PRUNE2: variants seen among roughly 807,000 people sequenced by gnomAD.
The protein encoded by PRUNE2 is prune homolog 2 with BCH domain, also known as protein prune homolog 2.
In PRUNE2, 164 loss-of-function variants were observed where a neutral mutation model predicts 252.0. The observed-to-expected ratio is 0.65, with a 90% CI of 0.57 to 0.74. The LOEUF is 0.74. Ranked by LOEUF, PRUNE2 falls within the 30% of genes least tolerant of loss-of-function variation. The pLI is 0.00. For synonymous variants in PRUNE2, 1,292 were observed against 1,350.2 expected, an observed-to-expected ratio of 0.96 and a Z score of 0.94; for missense variants, 3,495 against 3,711.0, an observed-to-expected ratio of 0.94 and a Z score of 1.51.
intron 10 of PRUNE2, among the ~76,000 whole-genome samples, chr9:76,653,608 G>A (rs1373228289): frequency 6.6e-6 from 1 of 152,120 alleles, no homozygotes; most frequent in Non-Finnish European, 1.5e-5. Context: ...CTAATCGTTT[G>A]TGTTGACTTT....
chr9:76,617,603 A>G (rs1300192398), intron 18 of PRUNE2, among the ~76,000 whole-genome samples: 6 of 152,196 alleles, frequency 3.9e-5, no homozygotes, highest in Non-Finnish European at 8.8e-5. Flanking sequence ...GGCTCAGGAA[A>G]GAGAGGGCTG....
chr9:76,840,655 G>A (rs530686898), intron 4 of PRUNE2, among the ~76,000 whole-genome samples: 6 of 152,028 alleles, frequency 3.9e-5, no homozygotes, highest in Non-Finnish European at 7.4e-5. Context: ...ATAAAATATC[G>A]GCATTCTTTC....
chr9:76,707,864 G>A lies in PRUNE2; in HGVS notation c.4410C>T (p.Asn1470=), dbSNP rs1180668983. 6 of 1,613,632 alleles carry A rather than the reference G, an allele frequency of 3.7e-6. No individual in the cohort carries two copies. The highest frequency in any genetic ancestry group is 5.1e-6 in the Non-Finnish European group (6 of 1,179,824). ...EKDLEKTEEC[N]FLEPENVGGG... is the part of the protein sequence containing the mutation. ...CACCCACGTTCTCTGGCTCTAGAAAGTTACATTCTTCAGTTTTCTCAAGAT... is the reference window on the plus strand; with the variant it reads ...CACCCACGTTCTCTGGCTCTAGAAAATTACATTCTTCAGTTTTCTCAAGAT... The change falls in exon 8 of 19, where the codon AAC becomes AAT. Residue 1470 remains asparagine, a synonymous_variant. Transcript: ENST00000376718.
At position 76,731,784 on chromosome 9, in the gene PRUNE2, A is replaced by C. The variant is rs1001967728; in HGVS notation, c.757-18063T>G. The stretch of plus-strand genomic sequence containing the variant: ...TGAATGAGGGTATAAAAAGGCCTTG[A>C]GCTTTGTCTGCATTATTTAGATTCC... On this transcript the variant is annotated intron_variant, in intron 6 of 18. Coordinates refer to ENST00000376718, the MANE Select transcript of PRUNE2 (RefSeq NM_015225.3). 3.9e-5 allele frequency among the ~76,000 whole-genome samples: 6 copies of C among 152,306 alleles called. No individual in the cohort carries two copies. The South Asian group carries it at 1.2e-3, about 32-fold the overall frequency.
intron 1 of PRUNE2, among the ~76,000 whole-genome samples, chr9:76,879,006 C>G (rs1454439469): frequency 6.6e-6 from 1 of 152,102 alleles, no homozygotes; most frequent in African/African-American, 2.4e-5. Context: ...AGCTTTTACC[C>G]CAGTCGACCC....
At chr9:76,748,693 C>T (rs933578573) in intron 6 of PRUNE2, 9 of 152,108 alleles carry the variant, frequency 5.9e-5, no homozygotes, top group East Asian at 5.8e-4. Context: ...TCAGTGGAGG[C>T]GTCTTAAATC....
intron 9 of PRUNE2, among the ~76,000 whole-genome samples, chr9:76,683,800 C>T (rs1004393200): frequency 6.6e-6 from 1 of 151,684 alleles, no homozygotes; most frequent in Non-Finnish European, 1.5e-5. Context: ...CATATATGTG[C>T]ATGTATTTAT....
intron 11 of PRUNE2, among the ~76,000 whole-genome samples, chr9:76,645,909 T>G (rs1168094612): frequency 6.6e-6 from 1 of 152,264 alleles, no homozygotes; most frequent in African/African-American, 2.4e-5. Flanking sequence ...TGTTAAGTAT[T>G]GACCTTGTAC....
chr9:76,837,309 GC>G (rs2059049736), intron 4 of PRUNE2, among the ~76,000 whole-genome samples: 3 of 152,066 alleles, frequency 2.0e-5, no homozygotes. Flanking sequence ...AGGCGTGGTG[GC>G]GGGCACCTGC....
intron 9 of PRUNE2, among the ~76,000 whole-genome samples, chr9:76,693,814 A>T (rs1038147478): frequency 4.6e-5 from 7 of 152,164 alleles, no homozygotes; most frequent in Non-Finnish European, 1.0e-4. Context: ...ATTTAAACTA[A>T]AAGCCTACAA....
intron 9 of PRUNE2, among the ~76,000 whole-genome samples, chr9:76,663,390 C>A (rs146201839): frequency 7.2e-5 from 11 of 152,170 alleles, no homozygotes; most frequent in African/African-American, 2.7e-4. Context: ...GGAAGATAAG[C>A]GCCGAGCACT....
At chr9:76,892,529 A>G (rs2062548060) in intron 1 of PRUNE2, among the ~76,000 whole-genome samples, 1 of 152,244 alleles carries the variant, frequency 6.6e-6, no homozygotes, top group Non-Finnish European at 1.5e-5. Context: ...GGGACAATGA[A>G]AAGGTTTAAC....
intron 1 of PRUNE2, among the ~76,000 whole-genome samples, chr9:76,879,903 ATTTTTTTTT>A (rs71354691): frequency 3.2e-5 from 1 of 31,006 alleles, no homozygotes; most frequent in Non-Finnish European, 5.1e-5. Flanking sequence ...ATATATATAT[ATTTTTTTTT>A]TTTTTTTTTT....
At chr9:76,702,605 C>T (rs2045972630) in intron 9 of PRUNE2, among the ~76,000 whole-genome samples, 1 of 33,526 alleles carries the variant, frequency 3.0e-5, no homozygotes, top group Non-Finnish European at 6.9e-5. Context: ...TCAAAAACCA[C>T]ATGGTGAATG....
At chr9:76,642,001 T>TAAAAAAAAAAAAAAAAAAGAAAAAAA in intron 12 of PRUNE2, 1 of 1,010,456 alleles carries the variant, frequency 9.9e-7, no homozygotes, top group Non-Finnish European at 1.4e-6. Context: ...ATAAGAGAAG[T>TAAAAAAAAAAAAAAAAAAGAAAAAAA]AAAAAAAAAA....
At position 76,837,809 on chromosome 9, in the gene PRUNE2, T is replaced by A. The variant is rs1008128339; in HGVS notation, c.508+8706A>T. Among the ~76,000 whole-genome samples, 24 of 149,994 alleles carry A rather than the reference T, an allele frequency of 1.6e-4. 1 individual carries two copies. The highest frequency in any genetic ancestry group is 1.3e-3 in the Admixed American group (20 of 14,990). The stretch of plus-strand genomic sequence containing the variant: ...TTTTTTGAGACGGAGTCTTGCTCTG[T>A]CGCCCAGGCTGGAGTGCAGTGGCGC... On this transcript the variant is annotated intron_variant, in intron 4 of 18. Coordinates refer to ENST00000376718, the MANE Select transcript of PRUNE2 (RefSeq NM_015225.3).
At position 76,746,209 on chromosome 9, in the gene PRUNE2, T is replaced by A. The variant is rs930237408; in HGVS notation, c.757-32488A>T. 2.0e-5 allele frequency among the ~76,000 whole-genome samples: 3 copies of A among 152,260 alleles called. No homozygotes were observed. In the East Asian group the frequency reaches 5.8e-4, roughly 29 times the overall value. ...CTGTCTTATCTCTCTGAAGATAAGATGACTGATGACTGTTGGCTGGGGGCC... is the reference window on the plus strand; with the variant it reads ...CTGTCTTATCTCTCTGAAGATAAGAAGACTGATGACTGTTGGCTGGGGGCC... On this transcript the variant is annotated intron_variant, in intron 6 of 18. Transcript: ENST00000376718.
intron 13 of PRUNE2, among the ~76,000 whole-genome samples, chr9:76,637,831 G>A (rs1432159222): frequency 6.6e-6 from 1 of 152,168 alleles, no homozygotes; most frequent in East Asian, 1.9e-4. Context: ...AATACTAAGG[G>A]TAACTCAGGT....
chr9:76,820,918 T>C (rs542019917), intron 6 of PRUNE2, among the ~76,000 whole-genome samples: 1 of 152,260 alleles, frequency 6.6e-6, no homozygotes, highest in East Asian at 1.9e-4. Context: ...CAAACACCCA[T>C]AAGTATTAAC....
Sources: allele counts gnomAD v4.1 joint callset (sites outside exome capture counted in the v4.1 genomes callset), GRCh38; gene constraint gnomAD v4.1.1; transcripts MANE v1.5; gene names NCBI Gene and HGNC (gene_info 2026-07-23, HGNC 2026-07-21).